Variants in PCNX4 observed in about 807,000 individuals in gnomAD.
PCNX4 encodes the protein pecanex-like protein 4.
Under a neutral mutation model 107.2 loss-of-function variants are expected in PCNX4, and 103 were observed. That is an observed-to-expected ratio of 0.96 (90% CI 0.82 to 1.13). The LOEUF (loss-of-function observed/expected upper bound fraction) is 1.13. Ranked by LOEUF, PCNX4 falls within the 50% of genes most tolerant of loss-of-function variation. The pLI is 0.00. For missense variants in PCNX4, 1,528 were observed against 1,379.4 expected (o/e 1.11, Z -1.71); for synonymous variants, 541 against 481.7 (o/e 1.12, Z -1.61).
chr14:60,125,366 C>A, intron 9 of PCNX4, 115 bp downstream of exon 9: 2 of 1,135,430 alleles, frequency 1.8e-6, no homozygotes, highest in African/African-American at 1.6e-5. Flanking sequence ...TTACTTTCTT[C>A]AAAATGAAAA....
In PCNX4 at chr14:60,135,425, G is replaced by A. The variant is rs1292718380; in HGVS notation, c.*1204G>A. 1 of 152,110 alleles carries A rather than the reference G, an allele frequency of 6.6e-6. No individual in the cohort carries two copies. Among genetic ancestry groups the A allele is most frequent in the Non-Finnish European group, 1.5e-5 (1 of 68,014 alleles). 9.4% of individuals were successfully genotyped at this position (152,110 alleles called of 1,614,324 possible). On this transcript the variant is annotated 3_prime_UTR_variant, in exon 11 of 11. Transcript: ENST00000406854. Reference sequence around the variant, plus strand: ...AGTACAGTTACTAAGATAGGATTTTGTATTACTCTGAGTTTACATCTCAGA... The same window carrying A: ...AGTACAGTTACTAAGATAGGATTTTATATTACTCTGAGTTTACATCTCAGA...
At chr14:60,128,713 T>C (rs1161150781) in intron 10 of PCNX4, among the ~76,000 whole-genome samples, 1 of 152,220 alleles carries the variant, frequency 6.6e-6, no homozygotes, top group Non-Finnish European at 1.5e-5. Context: ...ATATTTCTTC[T>C]CTTAACTCAT....
chr14:60,126,015 T>C, intron 10 of PCNX4, 192 bp downstream of exon 10: 1 of 406,412 alleles, frequency 2.5e-6, no homozygotes, highest in South Asian at 5.9e-5. Context: ...TTCTCTACTT[T>C]TGCCAACTGA....
At chr14:60,112,750 T>A (rs540349390) in intron 2 of PCNX4, among the ~76,000 whole-genome samples, 4 of 152,220 alleles carry the variant, frequency 2.6e-5, no homozygotes, top group Non-Finnish European at 5.9e-5. Context: ...TGCGGCTTAC[T>A]ATTTATGTGT....
At chr14:60,111,115 G>GC (rs962406888) in intron 2 of PCNX4, 1 of 162,846 alleles carries the variant, frequency 6.1e-6, no homozygotes, top group African/African-American at 2.4e-5. Flanking sequence ...TGTACTTGTA[G>GC]CCCCCAGAAC....
At position 60,139,778 on chromosome 14, in the gene PCNX4, C is replaced by A. The variant is rs1362817573; in HGVS notation, c.*5557C>A. 1 of 151,822 alleles carries A rather than the reference C, an allele frequency of 6.6e-6. No individual in the cohort carries two copies. Among genetic ancestry groups the A allele is most frequent in the Admixed American group, 6.6e-5 (1 of 15,256 alleles). 9.4% of individuals were successfully genotyped at this position (151,822 alleles called of 1,614,324 possible). A position where few individuals can be genotyped will look rare whatever the true frequency, so the allele number is the denominator to read the frequency against. On this transcript the variant is annotated 3_prime_UTR_variant, in exon 11 of 11. Coordinates refer to ENST00000406854, the MANE Select transcript of PCNX4 (RefSeq NM_001330177.2). Reference sequence around the variant, plus strand: ...TAATAATTTCAAAAATAGAAAAATTCTATTAAGTTCATAAATTAAGAAATA... The same window carrying A: ...TAATAATTTCAAAAATAGAAAAATTATATTAAGTTCATAAATTAAGAAATA...
rs762392858 is a variant in PCNX4 at position 60,116,000 on chromosome 14, G to C, written c.1518G>C (p.Leu506Phe). The C allele has an allele frequency of 9.3e-6, 15 of 1,612,790 alleles. No individual in the cohort carries two copies. The highest frequency in any genetic ancestry group is 1.3e-5 in the Non-Finnish European group (15 of 1,179,310). Reference sequence around the variant, plus strand: ...CAGTCATTGTATCAACAGTACACTTGATCTCCAGTACAGACATATGGTGGA... The same window carrying C: ...CAGTCATTGTATCAACAGTACACTTCATCTCCAGTACAGACATATGGTGGA... Reference protein sequence around the residue: ...LETVIVSTVHLISSTDIWWNR... With the variant: ...LETVIVSTVHFISSTDIWWNR... Residue 506 changes from leucine (L) to phenylalanine (F), a missense_variant, in exon 6 of 11, where the codon TTG (leucine) becomes TTC (phenylalanine). Physicochemically the swap from Leu to Phe is conservative, Grantham distance 22. Coordinates refer to ENST00000406854, the MANE Select transcript of PCNX4 (RefSeq NM_001330177.2).
intron 1 of PCNX4, among the ~76,000 whole-genome samples, chr14:60,099,219 T>C (rs1895485266): frequency 6.6e-6 from 1 of 152,206 alleles, no homozygotes. Flanking sequence ...TACTTAGGTG[T>C]AGGCCAGTTT....
chr14:60,105,149 G>T (rs1895606266), intron 1 of PCNX4, among the ~76,000 whole-genome samples: 1 of 152,168 alleles, frequency 6.6e-6, no homozygotes, highest in African/African-American at 2.4e-5. Context: ...GAGAATTTTG[G>T]ATATTCAGAT....
At chr14:60,133,604 A>G (rs1341030488) in intron 10 of PCNX4, 12 of 460,580 alleles carry the variant, frequency 2.6e-5, no homozygotes, top group African/African-American at 2.0e-4. Flanking sequence ...ATTATATCTC[A>G]ACAAAGCTGT....
Position 60,139,125 on chromosome 14 carries a change from A to G in PCNX4, c.*4904A>G, listed in dbSNP as rs925010715. The G allele has an allele frequency of 1.3e-5, 2 of 152,162 alleles. No homozygotes were observed. Among genetic ancestry groups the G allele is most frequent in the Non-Finnish European group, 2.9e-5 (2 of 67,966 alleles). 9.4% of individuals were successfully genotyped at this position (152,162 alleles called of 1,614,324 possible). ...CAGTAGATTAGGAGGTTTAAATATC[A>G]GTTACAACATTCATATGAATAGACA... On this transcript the variant is annotated 3_prime_UTR_variant, in exon 11 of 11. Coordinates refer to ENST00000406854, the MANE Select transcript of PCNX4 (RefSeq NM_001330177.2).
rs577763092 is a variant in PCNX4, at chr14:60,140,254, A to C, written c.*6033A>C. The stretch of plus-strand genomic sequence containing the variant: ...CCAATTAGTTGGAAATTTTAGATGA[A>C]GTGAATAAATTCTTTAAACTATGGA... On this transcript the variant is annotated 3_prime_UTR_variant, in exon 11 of 11. Transcript: ENST00000406854. The surrounding 1 kb of genome is among the most constrained non-coding windows in gnomAD (Gnocchi z 4.2). The C allele has an allele frequency of 6.6e-6, 1 of 152,240 alleles. No homozygotes were observed. The highest frequency in any genetic ancestry group is 1.5e-5 in the Non-Finnish European group (1 of 68,028). The allele number at this position is 152,240 out of a possible 1,614,324, so 9.4% of individuals were successfully genotyped here.
At chr14:60,104,120 A>C (rs955908405) in intron 1 of PCNX4, among the ~76,000 whole-genome samples, 1 of 152,082 alleles carries the variant, frequency 6.6e-6, no homozygotes, top group Admixed American at 6.6e-5. Context: ...GGAGTTCAAG[A>C]CCAGCCTGAC....
In PCNX4 at chr14:60,134,368, T is replaced by G; in HGVS notation, c.*147T>G. On this transcript the variant is annotated 3_prime_UTR_variant, in exon 11 of 11. Transcript: ENST00000406854. ...CTAAGCTCCGTAAAGTTGGTTCTCT[T>G]AGCCATCTTAATGGTTCTAAAAAAC... 1.0e-6 allele frequency: 1 copy of G among 986,312 alleles called. No individual in the cohort carries two copies. Among genetic ancestry groups the G allele is most frequent in the Non-Finnish European group, 1.5e-6 (1 of 671,422 alleles). The allele number at this position is 986,312 out of a possible 1,614,324, so 61.1% of individuals were successfully genotyped here. A position where few individuals can be genotyped will look rare whatever the true frequency, so the allele number is the denominator to read the frequency against.
At chr14:60,113,367 T>C (rs921449013) in intron 2 of PCNX4, among the ~76,000 whole-genome samples, 6 of 152,138 alleles carry the variant, frequency 3.9e-5, no homozygotes, top group African/African-American at 1.2e-4. Flanking sequence ...CTTATTATTA[T>C]TACTACTACT....
chr14:60,128,625 C>T lies in PCNX4; in HGVS notation c.3267+2802C>T, dbSNP rs2140565715. Among the ~76,000 whole-genome samples the T allele has an allele frequency of 2.0e-5, 3 of 152,188 alleles. No individual in the cohort carries two copies. The South Asian group carries it at 6.2e-4, about 32-fold the overall frequency. ...CAGGCTGAAAGTAAGTGACCACAGA[C>T]AATAATTCAAATTCACACACAAAAA... On this transcript the variant is annotated intron_variant, in intron 10 of 10. Transcript: ENST00000406854.
In PCNX4 at chr14:60,135,154, G is replaced by C. The variant is rs1896222690; in HGVS notation, c.*933G>C. The C allele has an allele frequency of 6.6e-6, 1 of 152,176 alleles. No homozygotes were observed. Among genetic ancestry groups the C allele is most frequent in the Non-Finnish European group, 1.5e-5 (1 of 68,028 alleles). The allele number at this position is 152,176 out of a possible 1,614,324, so 9.4% of individuals were successfully genotyped here. On this transcript the variant is annotated 3_prime_UTR_variant, in exon 11 of 11. Transcript: ENST00000406854. ...TGAATCCACATCAGTTGAGAGATCA[G>C]TTTCCTCTAATTCTTACTTAATTTC...
intron 10 of PCNX4, 171 bp from the exon 11 acceptor site, chr14:60,133,799 C>T (rs1411362666): frequency 1.3e-5 from 9 of 694,218 alleles, no homozygotes; most frequent in Non-Finnish European, 2.2e-5. Flanking sequence ...ATTCTTGATT[C>T]TGAATACAGG....
At position 60,121,180 on chromosome 14, in the gene PCNX4, T is replaced by C; in HGVS notation, c.1943-16T>C. 2.6e-6 allele frequency: 4 copies of C among 1,544,392 alleles called. No homozygotes were observed. The highest frequency in any genetic ancestry group is 3.5e-6 in the Non-Finnish European group (4 of 1,153,632). On this transcript the variant is annotated splice_polypyrimidine_tract_variant and intron_variant, in intron 7 of 10. Coordinates refer to ENST00000406854, the MANE Select transcript of PCNX4 (RefSeq NM_001330177.2). ...GATTTTCTTTTTTTTTTTTTTTTTTTTCTAATTTGTTGTAGGTCTCCTCCT... is the reference window on the plus strand; with the variant it reads ...GATTTTCTTTTTTTTTTTTTTTTTTCTCTAATTTGTTGTAGGTCTCCTCCT...
Sources: gnomAD v4.1 joint callset for allele counts (sites outside exome capture counted in the v4.1 genomes callset) on GRCh38, gnomAD v4.1.1 for gene constraint, Gnocchi (gnomAD v3.1) non-coding constraint, MANE v1.5 for transcripts, NCBI Gene and HGNC (gene_info 2026-07-23, HGNC 2026-07-21) for gene names.